Variants in NAP1L4 observed in about 807,000 individuals in gnomAD.
The protein encoded by NAP1L4 is nucleosome assembly protein 1-like 4.
In NAP1L4, 15 loss-of-function variants were observed where a neutral mutation model predicts 58.2. The observed-to-expected ratio is 0.26, with a 90% CI of 0.17 to 0.40. The LOEUF (loss-of-function observed/expected upper bound fraction) is 0.40, where lower values mean the gene tolerates loss of function less well. NAP1L4 is among the 10% of genes least tolerant of loss of function. The pLI, the probability that NAP1L4 is intolerant of heterozygous loss-of-function variation, is 1.00. For synonymous variants in NAP1L4, 171 were observed against 155.6 expected (o/e 1.10, Z -0.74); for missense variants, 384 against 451.1 (o/e 0.85, Z 1.35).
intron 8 of NAP1L4, 21 bp downstream of exon 8, chr11:2,964,659 G>A (rs1164685437): frequency 1.2e-6 from 2 of 1,603,524 alleles, no homozygotes; most frequent in Non-Finnish European, 1.7e-6. Flanking sequence ...ATGCCAACCA[G>A]AAGGTCAAGT....
At chr11:2,963,667 C>T (rs938743598) in intron 8 of NAP1L4, 2 of 489,084 alleles carry the variant, frequency 4.1e-6, no homozygotes, top group South Asian at 1.5e-5. Context: ...TAGCCCAGGC[C>T]CCAGTGCTGA....
Position 2,954,596 on chromosome 11 carries a change from A to AG in NAP1L4, c.965_966insC (p.Arg324ProfsTer2). 1 of 1,614,222 alleles carries AG rather than the reference A, an allele frequency of 6.2e-7. No homozygotes were observed. On this transcript the variant is annotated frameshift_variant, in exon 12 of 16. Coordinates refer to ENST00000380542, the MANE Select transcript of NAP1L4 (RefSeq NM_005969.4). LOFTEE classifies it high-confidence loss of function. This position sits in a 1 kb window ranked among gnomAD's most constrained non-coding sequence, Gnocchi z 4.8. ...CCCGCGGGACTATCCGCTCACGGAAAAAGTGTCCAATTTCAAAATCAGAGG... is the reference window on the plus strand; with the variant it reads ...CCCGCGGGACTATCCGCTCACGGAAAGAAGTGTCCAATTTCAAAATCAGAGG...
chr11:2,977,920 C>T (rs991105241), intron 3 of NAP1L4, among the ~76,000 whole-genome samples: 11 of 149,908 alleles, frequency 7.3e-5, no homozygotes, highest in Non-Finnish European at 1.0e-4. Flanking sequence ...GTAGCCCCAA[C>T]TACCTGGGAG....
intron 4 of NAP1L4, among the ~76,000 whole-genome samples, chr11:2,973,690 A>G (rs1373940885): frequency 1.3e-5 from 2 of 152,182 alleles, no homozygotes; most frequent in East Asian, 1.9e-4. Context: ...GTAGTAGATG[A>G]AAAAAAGGGA....
Position 2,954,492 on chromosome 11 carries a change from C to T in NAP1L4, c.1035+35G>A. The T allele has an allele frequency of 6.2e-6, 10 of 1,612,956 alleles. No individual in the cohort carries two copies. The highest frequency in any genetic ancestry group is 8.5e-6 in the Non-Finnish European group (10 of 1,179,016). On this transcript the variant is annotated intron_variant, in intron 12 of 15. Coordinates refer to ENST00000380542, the MANE Select transcript of NAP1L4 (RefSeq NM_005969.4). This position sits in a 1 kb window ranked among gnomAD's most constrained non-coding sequence, Gnocchi z 4.8. ...CACTCTGCACCAACAGAGATAAGCACCCAGGTGGAAGCCCCCCTTCCCCGA... is the reference window on the plus strand; with the variant it reads ...CACTCTGCACCAACAGAGATAAGCATCCAGGTGGAAGCCCCCCTTCCCCGA...
chr11:2,948,424 CTT>C lies in NAP1L4; in HGVS notation c.*32+801_*32+802del, dbSNP rs1334760624. Among the ~76,000 whole-genome samples the C allele has an allele frequency of 6.6e-6, 1 of 152,198 alleles. No individual in the cohort carries two copies. The highest frequency in any genetic ancestry group is 1.5e-5 in the Non-Finnish European group (1 of 68,030). Reference sequence around the variant, plus strand: ...GGTTGTGGGGTTCCTCATGGCACCTCTTGTCCCCACCTCTCTGCTTTCTCCCA... The same window carrying C: ...GGTTGTGGGGTTCCTCATGGCACCTCGTCCCCACCTCTCTGCTTTCTCCCA... On this transcript the variant is annotated intron_variant, in intron 15 of 15. Transcript: ENST00000380542. This position sits in a 1 kb window ranked among gnomAD's most constrained non-coding sequence, Gnocchi z 5.1.
chr11:2,976,046 T>A lies in NAP1L4; in HGVS notation c.151A>T (p.Thr51Ser). 1 of 1,613,818 alleles carries A rather than the reference T, an allele frequency of 6.2e-7. No individual in the cohort carries two copies. The highest frequency in any genetic ancestry group is 1.3e-5 in the African/African-American group (1 of 74,958). The change falls in exon 4 of 16, where the codon ACC (threonine) becomes TCC (serine). Residue 51 changes from threonine (T) to serine (S), a missense_variant. Around this residue, in one of 3 missense-constraint regions of NAP1L4, gnomAD observed 84 missense variants for 73.7 expected, o/e 1.14. Transcript: ENST00000380542. ...LQERLDNVPH[T>S]PSSYIETLPK... ...TACGTTTCGATGTAGCTGGAAGGGG[T>A]GTGAGGGACATTGTCAAGTCGCTCC...
In NAP1L4 at chr11:2,979,209, G is replaced by T. The variant is rs1403941641; in HGVS notation, c.12C>A (p.His4Gln). 3.1e-6 allele frequency: 5 copies of T among 1,611,414 alleles called. No individual in the cohort carries two copies. In the South Asian group the frequency reaches 5.5e-5, roughly 18 times the overall value. Residue 4 changes from histidine (H) to glutamine (Q), a missense_variant and splice_region_variant, in exon 2 of 16, where the codon CAC (histidine) becomes CAA (glutamine). This residue lies in a region of NAP1L4 where 84 missense variants were observed against 73.7 expected (regional missense o/e 1.14). Coordinates refer to ENST00000380542, the MANE Select transcript of NAP1L4 (RefSeq NM_005969.4). MAD[H>Q]SFSDGVPSDS... ...AAACAAAGTCCACTTTGGCTTACCT[G>T]TGATCTGCCATCTGAATGTTTTTAT...
At chr11:2,983,734 T>TC (rs1848460273) in intron 1 of NAP1L4, 1 of 152,004 alleles carries the variant, frequency 6.6e-6, no homozygotes, top group Non-Finnish European at 1.5e-5. Context: ...ACAGCCTGGT[T>TC]TCAAATCCTA....
chr11:2,978,912 A>G (rs1459610026), intron 2 of NAP1L4, among the ~76,000 whole-genome samples: 5 of 152,250 alleles, frequency 3.3e-5, no homozygotes, highest in Non-Finnish European at 7.3e-5. Context: ...TTGATCACTG[A>G]CAACTACAGA....
chr11:2,976,495 T>C (rs1181704255), intron 3 of NAP1L4, among the ~76,000 whole-genome samples: 2 of 152,102 alleles, frequency 1.3e-5, no homozygotes, highest in African/African-American at 4.8e-5. Context: ...CGAACAGAGA[T>C]GAGATCAGTT....
intron 1 of NAP1L4, chr11:2,991,138 G>A (rs754792365): frequency 7.9e-5 from 36 of 456,234 alleles, no homozygotes; most frequent in Admixed American, 2.8e-4. Flanking sequence ...GGAGCGCACA[G>A]TCACCCAGGC....
rs977204439 is a variant in NAP1L4 at position 2,946,089 on chromosome 11, G to C, written c.*33-443C>G. On this transcript the variant is annotated intron_variant, in intron 15 of 15. Coordinates refer to ENST00000380542, the MANE Select transcript of NAP1L4 (RefSeq NM_005969.4). The surrounding 1 kb of genome is among the most constrained non-coding windows in gnomAD (Gnocchi z 4.8). Reference sequence around the variant, plus strand: ...ACTTCTCAAGGGCACATCTGTCTGGGGGTAGGCTGGGCCCTTGGCGCTCAT... The same window carrying C: ...ACTTCTCAAGGGCACATCTGTCTGGCGGTAGGCTGGGCCCTTGGCGCTCAT... Among the ~76,000 whole-genome samples, 7 of 152,170 alleles carry C rather than the reference G, an allele frequency of 4.6e-5. No homozygotes were observed. The highest frequency in any genetic ancestry group is 7.4e-5 in the Non-Finnish European group (5 of 68,018).
At chr11:2,972,051 A>C in intron 5 of NAP1L4, 51 bp downstream of exon 5, 1 of 1,470,674 alleles carries the variant, frequency 6.8e-7, no homozygotes, top group Non-Finnish European at 9.0e-7. Context: ...GGAACCTAAC[A>C]CCTTCGTAAG....
intron 1 of NAP1L4, among the ~76,000 whole-genome samples, chr11:2,987,484 G>T (rs1031891692): frequency 6.6e-6 from 1 of 151,138 alleles, no homozygotes; most frequent in Non-Finnish European, 1.5e-5. Context: ...GGCTGGGCAC[G>T]GTGGCTCACG....
intron 1 of NAP1L4, among the ~76,000 whole-genome samples, chr11:2,979,914 AGAGT>A (rs1409673180): frequency 2.0e-5 from 3 of 152,260 alleles, no homozygotes; most frequent in Non-Finnish European, 4.4e-5. Context: ...CAACCATTTT[AGAGT>A]AAGTCAAAGC....
Position 2,958,552 on chromosome 11 carries a change from G to C in NAP1L4, c.747-8C>G. 1 of 1,611,274 alleles carries C rather than the reference G, an allele frequency of 6.2e-7. No individual in the cohort carries two copies. Among genetic ancestry groups the C allele is most frequent in the Non-Finnish European group, 8.5e-7 (1 of 1,179,152 alleles). On this transcript the variant is annotated splice_polypyrimidine_tract_variant and splice_region_variant and intron_variant, in intron 9 of 15. Transcript: ENST00000380542. Reference sequence around the variant, plus strand: ...TTCCAGTCAATAGTACACCTACCAGGACAAGACAGCTGTCAGGAACACACA... The same window carrying C: ...TTCCAGTCAATAGTACACCTACCAGCACAAGACAGCTGTCAGGAACACACA...
intron 4 of NAP1L4, among the ~76,000 whole-genome samples, 192 bp downstream of exon 4, chr11:2,975,832 C>A (rs1298839452): frequency 6.6e-6 from 1 of 152,168 alleles, no homozygotes; most frequent in African/African-American, 2.4e-5. Flanking sequence ...GCTACTCCAT[C>A]CACCAGGCAA....
At chr11:2,952,727 G>A (rs1486301293) in intron 12 of NAP1L4, 4 of 152,354 alleles carry the variant, frequency 2.6e-5, no homozygotes, top group South Asian at 4.1e-4. Context: ...TCCATTTCAC[G>A]TCAGATCCAA....
Sources: gnomAD v4.1 joint callset for allele counts (sites outside exome capture counted in the v4.1 genomes callset) on GRCh38, gnomAD v4.1.1 for gene constraint, gnomAD v4.1.1 regional missense constraint, Gnocchi (gnomAD v3.1) non-coding constraint, MANE v1.5 for transcripts, NCBI Gene and HGNC (gene_info 2026-07-23, HGNC 2026-07-21) for gene names.